Variants in ZBED1 observed in about 807,000 individuals in gnomAD.
The protein encoded by ZBED1 is zinc finger BED-type containing 1, also known as E3 SUMO-protein ligase ZBED1.
In ZBED1, 19 loss-of-function variants were observed where a neutral mutation model predicts 49.7. The ratio of observed to expected loss-of-function variants is 0.38; its 90% CI spans 0.27 to 0.56. The LOEUF (loss-of-function observed/expected upper bound fraction) is 0.56, where lower values mean the gene tolerates loss of function less well. Ranked by LOEUF, ZBED1 falls within the 20% of genes least tolerant of loss-of-function variation. The pLI is 0.70. For synonymous variants in ZBED1, 439 were observed against 440.3 expected, an observed-to-expected ratio of 1.00 and a Z score of 0.04; for missense variants, 806 against 972.6, an observed-to-expected ratio of 0.83 and a Z score of 2.28.
At chrX:2,498,447 T>A (rs1251187703) in intron 1 of ZBED1, among the ~76,000 whole-genome samples, 1 of 152,124 alleles carries the variant, frequency 6.6e-6, no homozygotes, top group Non-Finnish European at 1.5e-5. Context: ...TATCGAAAAT[T>A]ATTTTTAATC....
intron 1 of ZBED1, among the ~76,000 whole-genome samples, chrX:2,494,633 CATT>C (rs964155593): frequency 4.0e-5 from 6 of 151,480 alleles, no homozygotes; most frequent in African/African-American, 1.2e-4. Context: ...CTATTATTAT[CATT>C]ATTATTATTA....
intron 1 of ZBED1, among the ~76,000 whole-genome samples, chrX:2,494,501 G>A (rs894915645): frequency 2.6e-5 from 4 of 151,660 alleles, no homozygotes; most frequent in African/African-American, 9.7e-5. Context: ...CTGTAGTAAA[G>A]GTTTATATTC....
chrX:2,489,067 G>T lies in ZBED1; in HGVS notation c.1653C>A (p.Ile551=), dbSNP rs1345440049. The change falls in exon 2 of 2, where the codon ATC becomes ATA. Residue 551 remains isoleucine, a synonymous_variant. Transcript: ENST00000652001. ...CCTCCACGCCGCCTGTCTGGCAGAA[G>T]ATCTCGGCCAGCATGTTGTTGATGA... ...ASVINNMLAE[I]FCQTGGVEDQ... The T allele has an allele frequency of 6.2e-7, 1 of 1,613,916 alleles. No homozygotes were observed. Among genetic ancestry groups the T allele is most frequent in the East Asian group, 2.2e-5 (1 of 44,880 alleles).
rs1437534515 is a variant in ZBED1 at position 2,490,503 on chromosome X, C to A, written c.217G>T (p.Glu73Ter). 6.2e-7 allele frequency: 1 copy of A among 1,613,792 alleles called. No homozygotes were observed. The highest frequency in any genetic ancestry group is 1.3e-5 in the African/African-American group (1 of 74,908). ...CTCTTGACGAACTCGCAGAATTCCT[C>A]GGGGTGGTTCTTCTCCAGGTGGTAG... The part of the protein sequence containing the change: ...LSYHLEKNHP[E>*]EFCEFVKSNT... Residue 73 changes from glutamate (E) to a stop codon, truncating the protein, a stop_gained, in exon 2 of 2, where the codon GAG becomes TAG. Transcript: ENST00000652001. LOFTEE classifies it high-confidence loss of function.
rs1425481509 is a variant in ZBED1, at chrX:2,489,867, C to T, written c.853G>A (p.Ala285Thr). ...IVKACSLLDV[A>T]VHMPCLGHTF... is the part of the protein sequence containing the mutation. Reference sequence around the variant, plus strand: ...TGGCCCAGGCAGGGCATGTGCACTGCGACGTCCAGCAGGGAGCACGCCTTC... The same window carrying T: ...TGGCCCAGGCAGGGCATGTGCACTGTGACGTCCAGCAGGGAGCACGCCTTC... The change falls in exon 2 of 2, where the codon GCA (alanine) becomes ACA (threonine). Residue 285 changes from alanine to threonine, a missense_variant. By Grantham distance (58) the Ala-to-Thr change is moderately conservative. Transcript: ENST00000652001. 49 of 1,613,672 alleles carry T rather than the reference C, an allele frequency of 3.0e-5. No individual in the cohort carries two copies. The East Asian group carries it at 6.9e-4, about 23-fold the overall frequency.
Position 2,489,497 on chromosome X carries a change from GC to G in ZBED1, c.1222del (p.Ala408ProfsTer15). ...GTACCTGGAGGCCGACAGCATCTCG[GC>G]CACCTGCTTGAAGGGCTGCAGGAGC... is the stretch of plus-strand genomic sequence containing the variant. ...VELLQPFKQV[A>X]EMLSASRYPT... On this transcript the variant is annotated frameshift_variant, in exon 2 of 2. Coordinates refer to ENST00000652001, the MANE Select transcript of ZBED1 (RefSeq NM_001171136.2). LOFTEE classifies it high-confidence loss of function. 6.2e-7 allele frequency: 1 copy of G among 1,613,482 alleles called. No individual in the cohort carries two copies. The highest frequency in any genetic ancestry group is 1.1e-5 in the South Asian group (1 of 91,044).
In ZBED1 at chrX:2,489,899, T is replaced by C; in HGVS notation, c.821A>G (p.Asp274Gly). The C allele has an allele frequency of 6.2e-7, 1 of 1,613,856 alleles. No individual in the cohort carries two copies. The highest frequency in any genetic ancestry group is 1.1e-5 in the South Asian group (1 of 91,070). The change falls in exon 2 of 2, where the codon GAC (aspartate) becomes GGC (glycine). Residue 274 changes from aspartate to glycine, a missense_variant. Physicochemically the swap from Asp to Gly is moderately conservative, Grantham distance 94 (BLOSUM62 -1). Around this residue, in one of 2 missense-constraint regions of ZBED1, gnomAD observed 749 missense variants for 861.3 expected, o/e 0.87. Coordinates refer to ENST00000652001, the MANE Select transcript of ZBED1 (RefSeq NM_001171136.2). ...VFGATTNYGK[D>G]IVKACSLLDV... The stretch of plus-strand genomic sequence containing the variant: ...CAGCAGGGAGCACGCCTTCACGATG[T>C]CCTTGCCATAGTTGGTGGTGGCCCC...
rs755708522 is a variant in ZBED1 at position 2,489,004 on chromosome X, C to T, written c.1716G>A (p.Leu572=). The change falls in exon 2 of 2, where the codon CTG becomes CTA. Residue 572 remains leucine (L), a synonymous_variant. Coordinates refer to ENST00000652001, the MANE Select transcript of ZBED1 (RefSeq NM_001171136.2). ...EEWHAQVVEE[L]SNFKSQKVLG... ...GCACCTTCTGGGACTTGAAGTTGCT[C>T]AGCTCCTCCACCACCTGGGCATGCC... is the stretch of plus-strand genomic sequence containing the variant. The T allele has an allele frequency of 2.1e-5, 34 of 1,609,596 alleles. No homozygotes were observed. The highest frequency in any genetic ancestry group is 2.9e-5 in the Non-Finnish European group (34 of 1,177,354).
chrX:2,497,388 G>A (rs1454072171), intron 1 of ZBED1, among the ~76,000 whole-genome samples: 1 of 151,932 alleles, frequency 6.6e-6, no homozygotes, highest in Non-Finnish European at 1.5e-5. Context: ...AGCGAAACTT[G>A]GTCTCAAGAA....
chrX:2,491,956 A>G (rs373824722), intron 1 of ZBED1, among the ~76,000 whole-genome samples: 13 of 152,318 alleles, frequency 8.5e-5, no homozygotes, highest in African/African-American at 2.2e-4. Flanking sequence ...GGGTTGCCCA[A>G]AATGACAGCT....
rs767259971 is a variant in ZBED1 at position 2,490,749 on chromosome X, C to T, written c.-30G>A. ...TCTCCACCGGAGCCTGCCTGCTGGA[C>T]GGCTGCTCATGCGTGGGGACCTGCT... On this transcript the variant is annotated 5_prime_UTR_variant, in exon 2 of 2. Coordinates refer to ENST00000652001, the MANE Select transcript of ZBED1 (RefSeq NM_001171136.2). 10 of 1,597,296 alleles carry T rather than the reference C, an allele frequency of 6.3e-6. No individual in the cohort carries two copies. The highest frequency in any genetic ancestry group is 5.1e-5 in the Admixed American group (3 of 58,924).
rs201839681 is a variant in ZBED1 at position 2,490,759 on chromosome X, T to C, written c.-40A>G. 54 of 1,589,316 alleles carry C rather than the reference T, an allele frequency of 3.4e-5. No homozygotes were observed. The East Asian group carries it at 3.8e-4, about 11-fold the overall frequency. ...AGCCTGCCTGCTGGACGGCTGCTCA[T>C]GCGTGGGGACCTGCTGAGAAGGGCC... On this transcript the variant is annotated 5_prime_UTR_variant, in exon 2 of 2. An upstream start codon of the reference 5' UTR is lost. Coordinates refer to ENST00000652001, the MANE Select transcript of ZBED1 (RefSeq NM_001171136.2).
chrX:2,488,007 G>T lies in ZBED1; in HGVS notation c.*628C>A, dbSNP rs1180339225. ...TGCGTTTCTTCTAAACCCTCCCAGGGAGAACTCGAATCAGACATGGTGGAG... is the reference window on the plus strand; with the variant it reads ...TGCGTTTCTTCTAAACCCTCCCAGGTAGAACTCGAATCAGACATGGTGGAG... On this transcript the variant is annotated 3_prime_UTR_variant, in exon 2 of 2. Coordinates refer to ENST00000652001, the MANE Select transcript of ZBED1 (RefSeq NM_001171136.2). The T allele has an allele frequency of 1.3e-5, 2 of 151,716 alleles. No homozygotes were observed. Among genetic ancestry groups the T allele is most frequent in the African/African-American group, 4.8e-5 (2 of 41,296 alleles). The allele number at this position is 151,716 out of a possible 1,614,324, so 9.4% of individuals were successfully genotyped here.
rs2045117597 is a variant in ZBED1, at chrX:2,490,831, T to G, written c.-53-59A>C. 9.6e-6 allele frequency: 14 copies of G among 1,452,254 alleles called. No homozygotes were observed. In the South Asian group the frequency reaches 1.9e-4, roughly 20 times the overall value. The allele number at this position is 1,452,254 out of a possible 1,614,324, so 90.0% of individuals were successfully genotyped here. On this transcript the variant is annotated intron_variant, in intron 1 of 1. Coordinates refer to ENST00000652001, the MANE Select transcript of ZBED1 (RefSeq NM_001171136.2). ...GGGACCCAGGCACGCACGGGAGCCC[T>G]GCCGGGGAGACAGACAGGGTGCCGG...
rs754151921 is a variant in ZBED1 at position 2,487,708 on chromosome X, G to A, written c.*927C>T. The A allele has an allele frequency of 2.0e-5, 3 of 152,130 alleles. No individual in the cohort carries two copies. The highest frequency in any genetic ancestry group is 6.5e-5 in the Admixed American group (1 of 15,290). The allele number at this position is 152,130 out of a possible 1,614,324, so 9.4% of individuals were successfully genotyped here. On this transcript the variant is annotated 3_prime_UTR_variant, in exon 2 of 2. Coordinates refer to ENST00000652001, the MANE Select transcript of ZBED1 (RefSeq NM_001171136.2). ...GCAGGCTCTCTGGCAGCAACCTGTC[G>A]AAAATACAACACATTCCACACTTTT...
intron 1 of ZBED1, among the ~76,000 whole-genome samples, chrX:2,498,625 GAA>G (rs10624636): frequency 1.5e-4 from 19 of 128,740 alleles, no homozygotes; most frequent in African/African-American, 1.2e-4. Flanking sequence ...CAGTAAATGG[GAA>G]AAAAAAAAAA....
In ZBED1 at chrX:2,486,679, G is replaced by C. The variant is rs1195027429; in HGVS notation, c.*1956C>G. ...GTCCCCGGCCTCGGGGCAGAACAGG[G>C]AGCAACCCCAAAGCCTGCCCCACTG... On this transcript the variant is annotated 3_prime_UTR_variant, in exon 2 of 2. Transcript: ENST00000652001. The C allele has an allele frequency of 6.6e-6, 1 of 152,276 alleles. No homozygotes were observed. Among genetic ancestry groups the C allele is most frequent in the Non-Finnish European group, 1.5e-5 (1 of 68,092 alleles). 9.4% of individuals were successfully genotyped at this position (152,276 alleles called of 1,614,324 possible). A position where few individuals can be genotyped will look rare whatever the true frequency, so the allele number is the denominator to read the frequency against.
intron 1 of ZBED1, among the ~76,000 whole-genome samples, chrX:2,494,112 C>T (rs1603183062): frequency 6.6e-6 from 1 of 152,100 alleles, no homozygotes; most frequent in African/African-American, 2.4e-5. Context: ...AAAGCTGGAG[C>T]AAACATCCAT....
chrX:2,490,550 G>C lies in ZBED1; in HGVS notation c.170C>G (p.Ser57Cys). 1 of 1,613,988 alleles carries C rather than the reference G, an allele frequency of 6.2e-7. No homozygotes were observed. The highest frequency in any genetic ancestry group is 8.5e-7 in the Non-Finnish European group (1 of 1,179,874). The part of the protein sequence containing the change: ...CRICMAQIAY[S>C]GNTSNLSYHL... ...GTAGGACAGGTTGGAGGTGTTTCCG[G>C]AGTAGGCGATCTGGGCCATGCAGAT... The change falls in exon 2 of 2, where the codon TCC becomes TGC. Residue 57 changes from serine to cysteine, a missense_variant. Ser to Cys is a moderately radical substitution (Grantham distance 112). This residue lies in a region of ZBED1 where 57 missense variants were observed against 111.3 expected (regional missense o/e 0.51). Coordinates refer to ENST00000652001, the MANE Select transcript of ZBED1 (RefSeq NM_001171136.2).
Sources: gnomAD v4.1 joint callset for allele counts (sites outside exome capture counted in the v4.1 genomes callset) on GRCh38, gnomAD v4.1.1 for gene constraint, gnomAD v4.1.1 regional missense constraint, MANE v1.5 for transcripts, NCBI Gene and HGNC (gene_info 2026-07-23, HGNC 2026-07-21) for gene names.